Variants in SETD3 observed in about 807,000 individuals in gnomAD.
SETD3 encodes the protein actin-histidine N-methyltransferase.
In SETD3, 19 loss-of-function variants were observed where a neutral mutation model predicts 63.0. That is an observed-to-expected ratio of 0.30 (90% CI 0.21 to 0.44). SETD3 has a LOEUF of 0.44. SETD3 is among the 20% of genes least tolerant of loss of function. The pLI is 1.00. For missense variants in SETD3, 587 were observed against 728.5 expected, an observed-to-expected ratio of 0.81 and a Z score of 2.24; for synonymous variants, 286 against 264.1, an observed-to-expected ratio of 1.08 and a Z score of -0.80.
intron 6 of SETD3, among the ~76,000 whole-genome samples, chr14:99,429,916 A>C (rs903106377): frequency 6.6e-6 from 1 of 152,242 alleles, no homozygotes; most frequent in Non-Finnish European, 1.5e-5. Context: ...CATTCTTTGA[A>C]ACAGATGAAA....
chr14:99,415,999 T>C (rs1566880061), intron 6 of SETD3, among the ~76,000 whole-genome samples: 2 of 152,192 alleles, frequency 1.3e-5, no homozygotes, highest in South Asian at 2.1e-4. Flanking sequence ...AGCTACTACT[T>C]CAGCTTTACC....
intron 6 of SETD3, among the ~76,000 whole-genome samples, chr14:99,417,023 A>G (rs1408003945): frequency 6.6e-6 from 1 of 152,214 alleles, no homozygotes; most frequent in Non-Finnish European, 1.5e-5. Flanking sequence ...AATAAAAAAG[A>G]GCAATATTGC....
intron 1 of SETD3, among the ~76,000 whole-genome samples, chr14:99,466,465 A>G (rs1895378694): frequency 6.6e-6 from 1 of 152,244 alleles, no homozygotes. Flanking sequence ...CATGTGAGAA[A>G]TGATGAGCAT....
intron 6 of SETD3, among the ~76,000 whole-genome samples, chr14:99,434,394 G>A (rs1009809801): frequency 6.6e-6 from 1 of 152,182 alleles, no homozygotes; most frequent in Non-Finnish European, 1.5e-5. Context: ...CCTGACATGG[G>A]TGGGGCACTG....
intron 1 of SETD3, among the ~76,000 whole-genome samples, chr14:99,476,567 T>C (rs1421236828): frequency 6.6e-6 from 1 of 152,222 alleles, no homozygotes; most frequent in Non-Finnish European, 1.5e-5. Flanking sequence ...CGAAGCTAAA[T>C]TTTTACAAAC....
At chr14:99,403,648 C>T (rs1320486347) in intron 11 of SETD3, among the ~76,000 whole-genome samples, 1 of 152,180 alleles carries the variant, frequency 6.6e-6, no homozygotes, top group Non-Finnish European at 1.5e-5. Context: ...AATACAAATA[C>T]TTAACTCTTT....
chr14:99,473,919 C>T (rs1157530261), intron 1 of SETD3, among the ~76,000 whole-genome samples: 52 of 152,190 alleles, frequency 3.4e-4, no homozygotes, highest in Non-Finnish European at 1.9e-4. Flanking sequence ...ATATCAGAAA[C>T]GTGTTCTGGC....
chr14:99,448,143 A>C (rs1406683154), intron 6 of SETD3, among the ~76,000 whole-genome samples: 2 of 152,176 alleles, frequency 1.3e-5, no homozygotes, highest in Non-Finnish European at 2.9e-5. Context: ...ACCTGCTTGG[A>C]GTCCAGTTCC....
chr14:99,425,633 C>T (rs1432177900), intron 6 of SETD3, among the ~76,000 whole-genome samples: 8 of 152,232 alleles, frequency 5.3e-5, no homozygotes, highest in Non-Finnish European at 1.0e-4. Context: ...AAGCAAGGCA[C>T]TGGCAGATGC....
chr14:99,454,652 C>T (rs1894653516), intron 6 of SETD3, among the ~76,000 whole-genome samples: 1 of 152,158 alleles, frequency 6.6e-6, no homozygotes, highest in Non-Finnish European at 1.5e-5. Context: ...TGCTAAGGGC[C>T]TCACGTGGAT....
chr14:99,418,826 A>T (rs1892420260), intron 6 of SETD3, among the ~76,000 whole-genome samples: 1 of 152,196 alleles, frequency 6.6e-6, no homozygotes, highest in African/African-American at 2.4e-5. Context: ...ATAAACAAAA[A>T]GAAGAAAGCT....
At chr14:99,442,252 C>G (rs1354004052) in intron 6 of SETD3, among the ~76,000 whole-genome samples, 2 of 152,160 alleles carry the variant, frequency 1.3e-5, no homozygotes, top group Admixed American at 1.3e-4. Flanking sequence ...ATGAAATACA[C>G]AGTTTCTGGC....
intron 4 of SETD3, among the ~76,000 whole-genome samples, chr14:99,460,381 A>T (rs1168692651): frequency 6.6e-6 from 1 of 152,100 alleles, no homozygotes; most frequent in Non-Finnish European, 1.5e-5. Context: ...CACCCAAAAT[A>T]TCACCTACTG....
upstream of SETD3, among the ~76,000 whole-genome samples, chr14:99,485,881 A>G (rs1209119433): frequency 6.6e-6 from 1 of 152,140 alleles, no homozygotes; most frequent in African/African-American, 2.4e-5. Flanking sequence ...AAAAAAGAAT[A>G]ACCTATTTCC....
rs1421232883 is a variant in SETD3 at position 99,398,077 on chromosome 14, ATATAT to A, written c.*597_*601del. The A allele has an allele frequency of 6.6e-6, 1 of 152,582 alleles. No individual in the cohort carries two copies. Among genetic ancestry groups the A allele is most frequent in the Non-Finnish European group, 1.5e-5 (1 of 68,074 alleles). 9.5% of individuals were successfully genotyped at this position (152,582 alleles called of 1,614,324 possible). ...TCACTATATATATGTGTGTTTATATATATATTTTTATATAATTAGGATTATCATCA... is the reference window on the plus strand; with the variant it reads ...TCACTATATATATGTGTGTTTATATATTTTATATAATTAGGATTATCATCA... On this transcript the variant is annotated 3_prime_UTR_variant, in exon 13 of 13. Coordinates refer to ENST00000331768, the MANE Select transcript of SETD3 (RefSeq NM_032233.3).
chr14:99,399,428 C>T (rs1891260418), intron 12 of SETD3, among the ~76,000 whole-genome samples: 1 of 141,042 alleles, frequency 7.1e-6, no homozygotes, highest in African/African-American at 2.5e-5. Flanking sequence ...AAAAATCATC[C>T]TGTCTATCTT....
At chr14:99,474,631 G>A (rs1595282092) in intron 1 of SETD3, among the ~76,000 whole-genome samples, 2 of 152,274 alleles carry the variant, frequency 1.3e-5, no homozygotes, top group Non-Finnish European at 1.5e-5. Context: ...TTGGGAGGCC[G>A]AGGCGGACGG....
At position 99,461,258 on chromosome 14, in the gene SETD3, G is replaced by C; in HGVS notation, c.279C>G (p.Val93=). Residue 93 remains valine, a synonymous_variant, in exon 4 of 13, where the codon GTC becomes GTG. Coordinates refer to ENST00000331768, the MANE Select transcript of SETD3 (RefSeq NM_032233.3). ...MKWASENGAS[V]EGFEMVNFKE... is the part of the protein sequence containing the mutation. ...TGAAGTTAACCATTTCAAAACCCTC[G>C]ACAGAAGCCCCATTTTCAGAGGCCC... 3 of 1,614,074 alleles carry C rather than the reference G, an allele frequency of 1.9e-6. No individual in the cohort carries two copies. The highest frequency in any genetic ancestry group is 2.5e-6 in the Non-Finnish European group (3 of 1,180,012).
At chr14:99,440,971 G>C (rs1379239723) in intron 6 of SETD3, among the ~76,000 whole-genome samples, 4 of 152,222 alleles carry the variant, frequency 2.6e-5, no homozygotes, top group Non-Finnish European at 5.9e-5. Flanking sequence ...AGAAAGGACA[G>C]GAACGCTGAT....
Sources: gnomAD v4.1 joint callset for allele counts (sites outside exome capture counted in the v4.1 genomes callset) on GRCh38, gnomAD v4.1.1 for gene constraint, MANE v1.5 for transcripts, NCBI Gene and HGNC (gene_info 2026-07-23, HGNC 2026-07-21) for gene names.